NRXN1: variants seen among roughly 807,000 people sequenced by gnomAD.
The protein encoded by NRXN1 is neurexin-1.
A neutral mutation model predicts 150.9 loss-of-function variants in NRXN1; 39 were observed. That is an observed-to-expected ratio of 0.26 (90% CI 0.20 to 0.34). NRXN1 has a LOEUF of 0.34. NRXN1 is among the 10% of genes least tolerant of loss of function. NRXN1 has a pLI of 1.00. For missense variants in NRXN1, 1,815 were observed against 1,949.9 expected (o/e 0.93, Z 1.30); for synonymous variants, 924 against 757.0 (o/e 1.22, Z -3.62).
At chr2:50,054,922 T>TAATCAATG in intron 20 of NRXN1, 33 bp downstream of exon 20, 1 of 1,378,444 alleles carries the variant, frequency 7.3e-7, no homozygotes, top group South Asian at 1.4e-5. Context: ...TCAAATTATT[T>TAATCAATG]TTTTATTTGA....
intron 5 of NRXN1, among the ~76,000 whole-genome samples, chr2:50,671,510 C>A (rs1008622000): frequency 6.6e-6 from 1 of 151,432 alleles, no homozygotes; most frequent in Non-Finnish European, 1.5e-5. Flanking sequence ...ATACATTACA[C>A]CAAATTTATT....
chr2:50,657,826 C>G (rs183990427), intron 5 of NRXN1, among the ~76,000 whole-genome samples: 2 of 151,988 alleles, frequency 1.3e-5, no homozygotes, highest in African/African-American at 4.8e-5. Flanking sequence ...TGTTATTATC[C>G]ACAACTGAGA....
chr2:50,598,486 A>G (rs1307616757), intron 8 of NRXN1, among the ~76,000 whole-genome samples: 1 of 151,458 alleles, frequency 6.6e-6, no homozygotes, highest in Non-Finnish European at 1.5e-5. Flanking sequence ...TAGCATGTGT[A>G]AAATGCCCCA....
At chr2:50,075,640 G>T (rs1391958934) in intron 19 of NRXN1, among the ~76,000 whole-genome samples, 1 of 152,102 alleles carries the variant, frequency 6.6e-6, no homozygotes, top group African/African-American at 2.4e-5. Flanking sequence ...TATCAATAGT[G>T]CTTCTTTTTT....
rs543994204 is a variant in NRXN1, at chr2:50,068,106, T to C, written c.3719-13062A>G. 2.0e-5 allele frequency among the ~76,000 whole-genome samples: 3 copies of C among 152,338 alleles called. No homozygotes were observed. The South Asian group carries it at 6.2e-4, about 32-fold the overall frequency. ...GTGGAAAAGAAAAGTCTGATTATTA[T>C]GACATTCTGATCTTATTTTCAATGG... On this transcript the variant is annotated intron_variant, in intron 19 of 22. Coordinates refer to ENST00000401669, the MANE Select transcript of NRXN1 (RefSeq NM_001330078.2).
rs575725767 is a variant in NRXN1 at position 50,082,159 on chromosome 2, T to A, written c.3718+9164A>T. 2.0e-4 allele frequency among the ~76,000 whole-genome samples: 31 copies of A among 152,352 alleles called. No individual in the cohort carries two copies. The South Asian group carries it at 5.8e-3, about 29-fold the overall frequency. ...CATTGTAGTGACAATTAATTTTTTA[T>A]ATCTGACATGATTAATTCATTTTTT... On this transcript the variant is annotated intron_variant, in intron 19 of 22. Coordinates refer to ENST00000401669, the MANE Select transcript of NRXN1 (RefSeq NM_001330078.2).
intron 5 of NRXN1, among the ~76,000 whole-genome samples, chr2:50,721,609 A>T (rs1429834378): frequency 6.6e-6 from 1 of 152,192 alleles, no homozygotes; most frequent in Non-Finnish European, 1.5e-5. Context: ...CTAATTTTTT[A>T]AAGTGGAATG....
chr2:50,608,374 G>C (rs1167508514), intron 8 of NRXN1, among the ~76,000 whole-genome samples: 1 of 152,122 alleles, frequency 6.6e-6, no homozygotes, highest in Non-Finnish European at 1.5e-5. Context: ...TAGATCATGG[G>C]AAGGGGCATG....
intron 18 of NRXN1, among the ~76,000 whole-genome samples, chr2:50,190,761 C>T (rs1159896228): frequency 1.3e-5 from 2 of 149,756 alleles, no homozygotes; most frequent in Middle Eastern, 3.6e-3. Context: ...TACAGGCATG[C>T]GCCACCATGG....
At chr2:50,640,296 G>A (rs973802587) in intron 5 of NRXN1, among the ~76,000 whole-genome samples, 1 of 152,114 alleles carries the variant, frequency 6.6e-6, no homozygotes, top group Non-Finnish European at 1.5e-5. Flanking sequence ...CATTCAATGT[G>A]TAATATCTGT....
intron 5 of NRXN1, among the ~76,000 whole-genome samples, chr2:50,731,115 T>C (rs1698047277): frequency 6.6e-6 from 1 of 152,220 alleles, no homozygotes; most frequent in African/African-American, 2.4e-5. Flanking sequence ...ATCCATGCTG[T>C]ACTCTGATTT....
At chr2:50,973,366 T>C (rs963644976) in intron 2 of NRXN1, among the ~76,000 whole-genome samples, 3 of 152,098 alleles carry the variant, frequency 2.0e-5, no homozygotes, top group African/African-American at 4.8e-5. Context: ...GGGAAGCCAA[T>C]TGTTCAAGGG....
chr2:50,800,024 G>C (rs1407951577), intron 5 of NRXN1, among the ~76,000 whole-genome samples: 1 of 151,958 alleles, frequency 6.6e-6, no homozygotes, highest in Non-Finnish European at 1.5e-5. Flanking sequence ...TGAGAGAAAT[G>C]GTTTCACAAA....
At chr2:50,321,814 T>C (rs2076059438) in intron 17 of NRXN1, among the ~76,000 whole-genome samples, 1 of 152,014 alleles carries the variant, frequency 6.6e-6, no homozygotes, top group Non-Finnish European at 1.5e-5. Flanking sequence ...AATAAAATAA[T>C]AAAACAATTA....
At chr2:50,117,014 T>C (rs1703163802) in intron 18 of NRXN1, among the ~76,000 whole-genome samples, 1 of 152,048 alleles carries the variant, frequency 6.6e-6, no homozygotes, top group Admixed American at 6.6e-5. Flanking sequence ...GTTACAAAAA[T>C]AACAGAAAAT....
At chr2:50,239,414 G>A (rs2065778446) in intron 17 of NRXN1, among the ~76,000 whole-genome samples, 1 of 150,758 alleles carries the variant, frequency 6.6e-6, no homozygotes, top group African/African-American at 2.4e-5. Context: ...TAAGAATTCA[G>A]ATGGTTTAAG....
chr2:50,947,525 T>A (rs1690589879), intron 2 of NRXN1, among the ~76,000 whole-genome samples: 1 of 151,934 alleles, frequency 6.6e-6, no homozygotes, highest in African/African-American at 2.4e-5. Context: ...AACTAAGAAA[T>A]TTTATTCTAG....
chr2:50,138,040 A>G (rs932301103), intron 18 of NRXN1, among the ~76,000 whole-genome samples: 1 of 152,232 alleles, frequency 6.6e-6, no homozygotes, highest in Admixed American at 6.5e-5. Flanking sequence ...GCTGTCATAA[A>G]AAAATTTATG....
At chr2:50,209,701 C>G (rs2062869277) in intron 18 of NRXN1, among the ~76,000 whole-genome samples, 2 of 151,860 alleles carry the variant, frequency 1.3e-5, no homozygotes, top group Admixed American at 1.3e-4. Context: ...AGACATGTTT[C>G]AATAAAAACA....
Sources: gnomAD v4.1 joint callset for allele counts (sites outside exome capture counted in the v4.1 genomes callset) on GRCh38, gnomAD v4.1.1 for gene constraint, MANE v1.5 for transcripts, NCBI Gene and HGNC (gene_info 2026-07-23, HGNC 2026-07-21) for gene names.